MARCHF1: variants seen among roughly 807,000 people sequenced by gnomAD.
MARCHF1 encodes the protein E3 ubiquitin-protein ligase MARCHF1.
Under a neutral mutation model 54.2 loss-of-function variants are expected in MARCHF1, and 40 were observed. The observed-to-expected ratio is 0.74, with a 90% CI of 0.57 to 0.96. The LOEUF (loss-of-function observed/expected upper bound fraction) is 0.96. Among genes scored for constraint, MARCHF1 ranks in the 40% least tolerant of loss-of-function variants. The probability of loss-of-function intolerance (pLI) is 0.00; values close to 1 mark genes in which losing one functional copy is unlikely to be tolerated. For synonymous variants in MARCHF1, 236 were observed against 236.3 expected (o/e 1.00, Z 0.01); for missense variants, 586 against 656.5 (o/e 0.89, Z 1.17).
At chr4:163,603,443 T>C (rs1741038132) in intron 7 of MARCHF1, among the ~76,000 whole-genome samples, 2 of 152,096 alleles carry the variant, frequency 1.3e-5, no homozygotes, top group African/African-American at 4.8e-5. Context: ...CCATAAACCC[T>C]TAGTTACCAA....
chr4:164,348,300 A>T (rs1185600111), intron 1 of MARCHF1, among the ~76,000 whole-genome samples: 3 of 152,204 alleles, frequency 2.0e-5, no homozygotes, highest in Admixed American at 6.5e-5. Flanking sequence ...GGAAGAAAGG[A>T]AGAAGAAAGA....
intron 2 of MARCHF1, among the ~76,000 whole-genome samples, chr4:164,025,570 A>G (rs1375336114): frequency 6.6e-6 from 1 of 152,102 alleles, no homozygotes; most frequent in Non-Finnish European, 1.5e-5. Flanking sequence ...CATTTCTGGG[A>G]CGCAGATTAA....
At chr4:163,940,412 T>C (rs1360544230) in intron 3 of MARCHF1, among the ~76,000 whole-genome samples, 1 of 152,124 alleles carries the variant, frequency 6.6e-6, no homozygotes, top group Non-Finnish European at 1.5e-5. Context: ...TCTATAAATA[T>C]GCCAAAAAGA....
chr4:163,734,784 T>C (rs1381899655), intron 4 of MARCHF1, among the ~76,000 whole-genome samples: 1 of 152,162 alleles, frequency 6.6e-6, no homozygotes, highest in Non-Finnish European at 1.5e-5. Context: ...GGCTTATACA[T>C]ATGTTAAAAT....
chr4:164,098,694 C>G (rs1755468707), intron 2 of MARCHF1, among the ~76,000 whole-genome samples: 1 of 152,156 alleles, frequency 6.6e-6, no homozygotes, highest in African/African-American at 2.4e-5. Context: ...TCTGTTCAGT[C>G]ACAGAAGAGA....
intron 2 of MARCHF1, among the ~76,000 whole-genome samples, chr4:164,090,497 T>C (rs953218096): frequency 2.0e-5 from 3 of 152,182 alleles, no homozygotes; most frequent in South Asian, 2.1e-4. Context: ...TATATATCCA[T>C]AGAATTGGTG....
chr4:164,133,113 T>A (rs1016340372), intron 1 of MARCHF1, among the ~76,000 whole-genome samples: 2 of 152,050 alleles, frequency 1.3e-5, no homozygotes, highest in East Asian at 3.9e-4. Flanking sequence ...ATCTGACTGG[T>A]GTATTTGGGA....
intron 3 of MARCHF1, among the ~76,000 whole-genome samples, chr4:163,947,325 A>G (rs1579413915): frequency 6.6e-6 from 1 of 152,226 alleles, no homozygotes; most frequent in Non-Finnish European, 1.5e-5. Context: ...GGTAGCCAGA[A>G]TAATGTTCCC....
At chr4:163,738,013 T>C (rs139689234) in intron 4 of MARCHF1, among the ~76,000 whole-genome samples, 4 of 152,316 alleles carry the variant, frequency 2.6e-5, no homozygotes, top group African/African-American at 9.6e-5. Context: ...CCGGAAGCAG[T>C]TTAGGCTTCC....
intron 1 of MARCHF1, among the ~76,000 whole-genome samples, chr4:164,329,102 C>CA (rs1054107721): frequency 1.3e-5 from 2 of 152,140 alleles, no homozygotes; most frequent in Admixed American, 1.3e-4. Flanking sequence ...TCACCCCAAA[C>CA]AATATTCAAT....
intron 7 of MARCHF1, 41 bp from the exon 8 acceptor site, chr4:163,585,970 A>G: frequency 1.3e-6 from 2 of 1,546,688 alleles, no homozygotes; most frequent in Non-Finnish European, 1.8e-6. Context: ...TCTCCCAGAG[A>G]ACATTTCTCG....
intron 1 of MARCHF1, among the ~76,000 whole-genome samples, chr4:164,183,657 T>C (rs959398550): frequency 1.3e-5 from 2 of 152,170 alleles, no homozygotes; most frequent in Admixed American, 1.3e-4. Flanking sequence ...TCCAGGCTGA[T>C]GCCATATACC....
chr4:163,649,077 T>A (rs971680963), intron 5 of MARCHF1, among the ~76,000 whole-genome samples: 2 of 151,674 alleles, frequency 1.3e-5, no homozygotes, highest in South Asian at 4.1e-4. Flanking sequence ...ATGTGATTTA[T>A]TTTTTTTCTA....
intron 5 of MARCHF1, chr4:163,613,710 T>C: frequency 1.8e-6 from 1 of 559,702 alleles, no homozygotes; most frequent in Non-Finnish European, 2.3e-6. Flanking sequence ...TGGAAACAAA[T>C]GAATAATACT....
chr4:164,274,668 T>A (rs1272142174), intron 1 of MARCHF1, among the ~76,000 whole-genome samples: 1 of 100,640 alleles, frequency 9.9e-6, no homozygotes, highest in Non-Finnish European at 1.9e-5. Context: ...ACTTTTTTTT[T>A]TTTTTTTTTT....
intron 8 of MARCHF1, among the ~76,000 whole-genome samples, chr4:163,551,213 A>G (rs922149097): frequency 1.3e-5 from 2 of 152,228 alleles, no homozygotes; most frequent in African/African-American, 2.4e-5. Flanking sequence ...TAGCTCATTA[A>G]TCACTAAAGC....
intron 8 of MARCHF1, among the ~76,000 whole-genome samples, chr4:163,567,279 CCTAA>C (rs144063934): frequency 0.035 from 5,306 of 152,098 alleles, 325 homozygotes; most frequent in East Asian, 0.2. Flanking sequence ...ACATCTAGCA[CCTAA>C]CTGAGGCTTT....
intron 2 of MARCHF1, among the ~76,000 whole-genome samples, chr4:164,005,535 C>T (rs1356181203): frequency 7.2e-5 from 11 of 152,112 alleles, no homozygotes; most frequent in Admixed American, 1.3e-4. Context: ...CTTCCCCCAA[C>T]TTATGGTTTC....
chr4:164,037,639 CTT>C (rs1754032890), intron 2 of MARCHF1, among the ~76,000 whole-genome samples: 1 of 152,190 alleles, frequency 6.6e-6, no homozygotes, highest in Non-Finnish European at 1.5e-5. Flanking sequence ...ATACACCACT[CTT>C]TAAGTGTGGG....
Sources: allele counts gnomAD v4.1 joint callset (sites outside exome capture counted in the v4.1 genomes callset), GRCh38; gene constraint gnomAD v4.1.1; transcripts MANE v1.5; gene names NCBI Gene and HGNC (gene_info 2026-07-23, HGNC 2026-07-21).